BLTP1: variants seen among roughly 807,000 people sequenced by gnomAD.
The protein encoded by BLTP1 is fragile site-associated protein.
the BLTP1 span, chr4:122,355,966 G>A: frequency 1.2e-6 from 2 of 1,609,948 alleles, no homozygotes; most frequent in African/African-American, 2.7e-5. Flanking sequence ...TCATGTTCAA[G>A]AACCACAGGA....
chr4:122,162,855 C>T, the BLTP1 span: 1 of 167,544 alleles, frequency 6.0e-6, no homozygotes, highest in Admixed American at 6.5e-5. Context: ...TCATTCTTTT[C>T]TCTACAGAAT....
the BLTP1 span, among the ~76,000 whole-genome samples, chr4:122,275,111 A>G: frequency 6.6e-6 from 1 of 152,278 alleles, no homozygotes; most frequent in East Asian, 1.9e-4. Context: ...TTTCCTAAGA[A>G]GTCTTTTCAA....
the BLTP1 span, chr4:122,313,652 A>C: frequency 6.3e-7 from 1 of 1,588,364 alleles, no homozygotes; most frequent in Non-Finnish European, 8.6e-7. Flanking sequence ...GGCACCTATG[A>C]AGTATGTTCA....
At chr4:122,339,163 T>G in the BLTP1 span, 1 of 1,579,960 alleles carries the variant, frequency 6.3e-7, no homozygotes, top group Non-Finnish European at 8.6e-7. Context: ...AAAACTTTTC[T>G]TTTATCCAGT....
At chr4:122,289,312 C>T in the BLTP1 span, 1 of 826,090 alleles carries the variant, frequency 1.2e-6, no homozygotes. Context: ...TGTCAAATAA[C>T]TCCTAAGAAA....
chr4:122,339,158 T>G, the BLTP1 span: 1 of 1,560,890 alleles, frequency 6.4e-7, no homozygotes, highest in Non-Finnish European at 8.7e-7. Flanking sequence ...TATTTAAAAC[T>G]TTTCTTTTAT....
the BLTP1 span, among the ~76,000 whole-genome samples, chr4:122,168,133 C>T: frequency 6.6e-6 from 1 of 152,048 alleles, no homozygotes; most frequent in Non-Finnish European, 1.5e-5. Context: ...AATATTGAGC[C>T]TTTATCTGTT....
the BLTP1 span, among the ~76,000 whole-genome samples, chr4:122,158,201 A>G: frequency 6.6e-6 from 1 of 152,354 alleles, no homozygotes; most frequent in East Asian, 1.9e-4. Context: ...AGAAACTTAC[A>G]GAATGTGTTT....
chr4:122,239,577 G>A, the BLTP1 span: 2 of 1,613,794 alleles, frequency 1.2e-6, no homozygotes, highest in Admixed American at 1.7e-5. Context: ...TAAGTCAGTA[G>A]GTCAATCTCC....
chr4:122,220,580 G>C, the BLTP1 span: 77 of 904,298 alleles, frequency 8.5e-5, 1 homozygote, highest in Admixed American at 5.5e-4. Flanking sequence ...CTTTAAGTTG[G>C]AGACTTTTAA....
At chr4:122,335,274 TAGA>T in the BLTP1 span, among the ~76,000 whole-genome samples, 3 of 151,990 alleles carry the variant, frequency 2.0e-5, no homozygotes, top group African/African-American at 7.2e-5. Flanking sequence ...GGCTTAGCCT[TAGA>T]AGTCACACAC....
At chr4:122,239,383 A>G in the BLTP1 span, 1 of 812,148 alleles carries the variant, frequency 1.2e-6, no homozygotes, top group Non-Finnish European at 1.8e-6. Context: ...GTATTTTATT[A>G]TAAAATTGTA....
At chr4:122,197,338 T>C in the BLTP1 span, 1 of 1,208,896 alleles carries the variant, frequency 8.3e-7, no homozygotes, top group Non-Finnish European at 1.1e-6. Flanking sequence ...TAATAAAGTT[T>C]GTTAATCATC....
chr4:122,294,251 G>C, the BLTP1 span, among the ~76,000 whole-genome samples: 1 of 152,180 alleles, frequency 6.6e-6, no homozygotes, highest in African/African-American at 2.4e-5. Context: ...GCTCTGCCAA[G>C]GGGCAGCCAG....
chr4:122,175,075 C>T, the BLTP1 span: 1 of 950,876 alleles, frequency 1.1e-6, no homozygotes, highest in South Asian at 4.9e-5. Context: ...AAGAAGGAAA[C>T]ACAAATATGA....
At chr4:122,340,618 G>A in the BLTP1 span, 4 of 434,608 alleles carry the variant, frequency 9.2e-6, no homozygotes, top group African/African-American at 8.6e-5. Flanking sequence ...GTTTTGCTGT[G>A]TGAATCTTTG....
chr4:122,289,309 T>G, the BLTP1 span: 1 of 834,170 alleles, frequency 1.2e-6, no homozygotes, highest in Non-Finnish European at 1.7e-6. Context: ...AGTTGTCAAA[T>G]AACTCCTAAG....
chr4:122,240,279 C>G, the BLTP1 span: 1 of 1,614,094 alleles, frequency 6.2e-7, no homozygotes, highest in Admixed American at 1.7e-5. Flanking sequence ...ATTGCATCGT[C>G]CCCTTGATCT....
At chr4:122,224,368 TG>T in the BLTP1 span, 2 of 993,426 alleles carry the variant, frequency 2.0e-6, no homozygotes, top group Non-Finnish European at 1.5e-6. Flanking sequence ...GTTAGGAGCT[TG>T]TGGATTCTGA....
Sources: allele counts gnomAD v4.1 joint callset (sites outside exome capture counted in the v4.1 genomes callset), GRCh38; gene constraint gnomAD v4.1.1; transcripts MANE v1.5; gene names NCBI Gene and HGNC (gene_info 2026-07-23, HGNC 2026-07-21).